RNASE11: variants seen among roughly 807,000 people sequenced by gnomAD.
RNASE11 encodes the protein putative inactive ribonuclease 11.
For synonymous variants in RNASE11, 105 were observed against 86.1 expected (o/e 1.22, Z -1.21); for missense variants, 252 against 237.8 (o/e 1.06, Z -0.39).
rs368363258 is a variant in RNASE11 at position 20,584,042 on chromosome 14, T to C, written c.433A>G (p.Ile145Val). The change falls in exon 2 of 2, where the codon ATA (isoleucine) becomes GTA (valine). Residue 145 changes from isoleucine to valine, a missense_variant. Coordinates refer to ENST00000553849, the Ensembl canonical transcript of RNASE11. The stretch of plus-strand genomic sequence containing the variant: ...AGTTCTAGGCTCTCACAGCAGCTTA[T>C]GCCAGGATTCTGTACAAACTTGCAG... The C allele has an allele frequency of 2.1e-5, 34 of 1,614,096 alleles. No homozygotes were observed. The highest frequency in any genetic ancestry group is 2.7e-5 in the African/African-American group (2 of 74,932).
intron 1 of RNASE11, 70 bp from the exon 3 acceptor site, chr14:20,584,566 A>C: frequency 3.8e-6 from 5 of 1,320,746 alleles, no homozygotes; most frequent in South Asian, 1.6e-5. Context: ...TCCTCCTGAC[A>C]GTTATTCCTG....
chr14:20,586,096 AG>A (rs756947964), intron 1 of RNASE11, among the ~76,000 whole-genome samples: 9 of 152,240 alleles, frequency 5.9e-5, no homozygotes, highest in Non-Finnish European at 1.3e-4. Flanking sequence ...CTTTGCTCAC[AG>A]TAGGAAGTCT....
At chr14:20,583,620 C>T (rs1374483324) in exon 2 of RNASE11, 2 of 378,936 alleles carry the variant, frequency 5.3e-6, no homozygotes, top group Non-Finnish European at 9.4e-6. Flanking sequence ...GGATGAAATT[C>T]AGTTTGTTTT....
At chr14:20,584,620 T>C (rs1283814412) in intron 1 of RNASE11, 124 bp from the exon 3 acceptor site, 5 of 673,118 alleles carry the variant, frequency 7.4e-6, no homozygotes, top group African/African-American at 1.8e-5. Flanking sequence ...TATCTGTGAA[T>C]GGAACTATGA....
chr14:20,589,551 C>G (rs1594474666), upstream of RNASE11, among the ~76,000 whole-genome samples: 2 of 151,844 alleles, frequency 1.3e-5, no homozygotes, highest in African/African-American at 4.8e-5. Context: ...CCGCGCCCGG[C>G]GAGCATCCAA....
chr14:20,586,556 T>C (rs1884438144), intron 1 of RNASE11, among the ~76,000 whole-genome samples: 1 of 152,216 alleles, frequency 6.6e-6, no homozygotes, highest in Admixed American at 6.5e-5. Flanking sequence ...TTATTAAGAA[T>C]TAAGTATATG....
chr14:20,589,543 G>A (rs897176619), upstream of RNASE11, among the ~76,000 whole-genome samples: 25 of 144,388 alleles, frequency 1.7e-4, no homozygotes, highest in Non-Finnish European at 7.6e-5. Flanking sequence ...GTGAGCCACC[G>A]CGCCCGGCGA....
chr14:20,583,633 A>G (rs536222946), exon 2 of RNASE11: 15 of 327,842 alleles, frequency 4.6e-5, no homozygotes, highest in East Asian at 5.5e-5. Flanking sequence ...TTTGTTTTAC[A>G]CCCTCCCCAC....
At chr14:20,583,771 T>C (rs1486447333) in exon 2 of RNASE11, 1 of 1,246,054 alleles carries the variant, frequency 8.0e-7, no homozygotes, top group Non-Finnish European at 1.1e-6. Context: ...TAATCAGGAG[T>C]TCACTATAGT....
exon 2 of RNASE11, chr14:20,583,947 T>C (rs1884367854): frequency 6.2e-7 from 1 of 1,613,732 alleles, no homozygotes; most frequent in Non-Finnish European, 8.5e-7. Flanking sequence ...TCTTCTCTAA[T>C]GAGGTAACAC....
chr14:20,586,967 TAGTG>T (rs917555989), intron 1 of RNASE11, among the ~76,000 whole-genome samples: 1 of 152,048 alleles, frequency 6.6e-6, no homozygotes, highest in African/African-American at 2.4e-5. Flanking sequence ...CTAGGCAACA[TAGTG>T]AGAATCCATC....
intron 1 of RNASE11, among the ~76,000 whole-genome samples, chr14:20,584,853 G>C (rs1289013039): frequency 6.6e-6 from 1 of 152,118 alleles, no homozygotes; most frequent in East Asian, 1.9e-4. Flanking sequence ...AATCTCCATG[G>C]TGGGTCACGA....
At chr14:20,583,754 GAATA>G (rs1884361522) in exon 2 of RNASE11, 2 of 1,101,520 alleles carry the variant, frequency 1.8e-6, no homozygotes, top group Non-Finnish European at 2.5e-6. Flanking sequence ...CCTCCAGTTA[GAATA>G]AATAATCAGG....
At chr14:20,588,301 G>A (rs533209943), upstream of RNASE11, 10 of 152,332 alleles carry the variant, frequency 6.6e-5, no homozygotes, top group Admixed American at 2.0e-4. Flanking sequence ...TCTCTTTCTC[G>A]TCCTTCTCCT....
chr14:20,584,245 G>A (rs1434057671), exon 2 of RNASE11: 10 of 1,614,080 alleles, frequency 6.2e-6, no homozygotes, highest in Non-Finnish European at 6.8e-6. Context: ...ACTTCTGAAT[G>A]TCAGTAATGT....
At chr14:20,590,059 A>G, upstream of RNASE11, 1 of 884,286 alleles carries the variant, frequency 1.1e-6, no homozygotes, top group East Asian at 2.8e-5. Context: ...CAAAAAATGG[A>G]AACACATGTA....
At chr14:20,584,117 A>G in exon 2 of RNASE11, 1 of 1,614,150 alleles carries the variant, frequency 6.2e-7, no homozygotes, top group Non-Finnish European at 8.5e-7. Context: ...CTGCGGATGA[A>G]GTTATTGCTC....
rs185498022 is a variant in RNASE11 at position 20,585,625 on chromosome 14, A to G, written c.-22-1129T>C. Among the ~76,000 whole-genome samples, 5 of 152,350 alleles carry G rather than the reference A, an allele frequency of 3.3e-5. No individual in the cohort carries two copies. In the East Asian group the frequency reaches 5.8e-4, roughly 18 times the overall value. On this transcript the variant is annotated intron_variant, in intron 1 of 1. Transcript: ENST00000553849. Reference sequence around the variant, plus strand: ...AGTTAGTATAAATAATCAAGAGTTTACTATAGTGCTAAAGAGTAGATGTTA... The same window carrying G: ...AGTTAGTATAAATAATCAAGAGTTTGCTATAGTGCTAAAGAGTAGATGTTA...
chr14:20,583,654 C>A, exon 2 of RNASE11: 1 of 275,922 alleles, frequency 3.6e-6, no homozygotes, highest in Non-Finnish European at 6.8e-6. Context: ...CCTCCCCCCA[C>A]ACAGAGAGAG....
Sources: gnomAD v4.1 joint callset for allele counts (sites outside exome capture counted in the v4.1 genomes callset) on GRCh38, gnomAD v4.1.1 for gene constraint, MANE v1.5 for transcripts, NCBI Gene and HGNC (gene_info 2026-07-23, HGNC 2026-07-21) for gene names.